The following ZC3H8 variants were observed in gnomAD, a reference collection of about 807,000 sequenced individuals.
ZC3H8 encodes the protein zinc finger CCCH-type containing 8.
A neutral mutation model predicts 42.5 loss-of-function variants in ZC3H8; 27 were observed. That is an observed-to-expected ratio of 0.64 (90% CI 0.47 to 0.88). The LOEUF is 0.88. Ranked by LOEUF, ZC3H8 falls within the 40% of genes least tolerant of loss-of-function variation. The pLI is 0.00. For missense variants in ZC3H8, 277 were observed against 336.1 expected (o/e 0.82, Z 1.37); for synonymous variants, 101 against 110.1 (o/e 0.92, Z 0.52).
chr2:112,236,488 T>C, intron 4 of ZC3H8, 74 bp downstream of exon 4: 2 of 1,565,672 alleles, frequency 1.3e-6, no homozygotes, highest in Non-Finnish European at 1.7e-6. Flanking sequence ...ATAGCACTTC[T>C]TGTCACTGAA....
At position 112,212,153 on chromosome 2, in the gene ZC3H8, C is replaced by T. The variant is rs753814931; in HGVS notation, c.*4331G>A. On this transcript the variant is annotated 3_prime_UTR_variant, in exon 9 of 9. Transcript: ENST00000409573. ...GCCTGCTTCCTGCTTTGTAGACAGC[C>T]ATTTTCTTGCCGTGTCCTCACATGG... is the stretch of plus-strand genomic sequence containing the variant. 2 of 152,304 alleles carry T rather than the reference C, an allele frequency of 1.3e-5. No homozygotes were observed. The highest frequency in any genetic ancestry group is 1.5e-5 in the Non-Finnish European group (1 of 68,144). The allele number at this position is 152,304 out of a possible 1,614,324, so 9.4% of individuals were successfully genotyped here. A position where few individuals can be genotyped will look rare whatever the true frequency, so the allele number is the denominator to read the frequency against.
intron 2 of ZC3H8, among the ~76,000 whole-genome samples, chr2:112,248,975 G>A (rs942552047): frequency 6.6e-6 from 1 of 151,962 alleles, no homozygotes; most frequent in East Asian, 1.9e-4. Context: ...CGGTCAGATC[G>A]CTTGACCCCA....
intron 2 of ZC3H8, among the ~76,000 whole-genome samples, chr2:112,245,839 C>T (rs562485288): frequency 2.0e-5 from 3 of 152,248 alleles, no homozygotes; most frequent in African/African-American, 7.2e-5. Context: ...AAGTCAATAC[C>T]TCACTTCAAA....
At chr2:112,223,653 T>TAACA (rs1684693285) in intron 8 of ZC3H8, among the ~76,000 whole-genome samples, 1 of 152,144 alleles carries the variant, frequency 6.6e-6, no homozygotes, top group East Asian at 1.9e-4. Context: ...GAAGAAATGC[T>TAACA]AACAATCAAT....
At chr2:112,225,347 A>T (rs1406005162) in intron 8 of ZC3H8, among the ~76,000 whole-genome samples, 1 of 152,242 alleles carries the variant, frequency 6.6e-6, no homozygotes, top group Non-Finnish European at 1.5e-5. Context: ...GTGTGGTAGC[A>T]CACACCTGCA....
chr2:112,248,823 T>C (rs144468173), intron 2 of ZC3H8, among the ~76,000 whole-genome samples: 3 of 152,190 alleles, frequency 2.0e-5, no homozygotes, highest in Admixed American at 6.5e-5. Flanking sequence ...TTTTTGGAAA[T>C]AGGGTCATTG....
chr2:112,236,496 G>A, intron 4 of ZC3H8, 66 bp downstream of exon 4: 1 of 1,573,170 alleles, frequency 6.4e-7, no homozygotes, highest in East Asian at 2.3e-5. Context: ...TCTTGTCACT[G>A]AAGTATAAGA....
At chr2:112,246,756 T>C (rs1053698487) in intron 2 of ZC3H8, among the ~76,000 whole-genome samples, 1 of 152,248 alleles carries the variant, frequency 6.6e-6, no homozygotes. Flanking sequence ...AGATTTAGAA[T>C]ATTATATAAA....
At chr2:112,221,093 T>C (rs1453766782) in intron 8 of ZC3H8, among the ~76,000 whole-genome samples, 1 of 152,186 alleles carries the variant, frequency 6.6e-6, no homozygotes, top group African/African-American at 2.4e-5. Context: ...GGGACGGAAA[T>C]GAGTCATAGA....
At chr2:112,249,253 T>C (rs1426645907) in intron 2 of ZC3H8, among the ~76,000 whole-genome samples, 1 of 152,014 alleles carries the variant, frequency 6.6e-6, no homozygotes, top group Non-Finnish European at 1.5e-5. Flanking sequence ...ACCATGTGAA[T>C]ATGAAGGCAG....
chr2:112,233,938 A>G (rs1192264178), intron 5 of ZC3H8, among the ~76,000 whole-genome samples, 182 bp downstream of exon 5: 1 of 152,196 alleles, frequency 6.6e-6, no homozygotes, highest in Non-Finnish European at 1.5e-5. Context: ...GGCCTCCCAA[A>G]CTGCTGGGAT....
chr2:112,240,362 G>A (rs1433373103), intron 2 of ZC3H8: 2 of 152,220 alleles, frequency 1.3e-5, no homozygotes, highest in Admixed American at 1.3e-4. Context: ...GATAGATTAT[G>A]TTTACCTTGG....
chr2:112,219,288 C>G (rs2104640845), intron 8 of ZC3H8, among the ~76,000 whole-genome samples: 1 of 152,198 alleles, frequency 6.6e-6, no homozygotes, highest in Middle Eastern at 3.4e-3. Flanking sequence ...ACCCTCACGT[C>G]TATGGTAAAT....
At chr2:112,254,534 G>C (rs1407969730) in intron 1 of ZC3H8, among the ~76,000 whole-genome samples, 1 of 152,252 alleles carries the variant, frequency 6.6e-6, no homozygotes, top group Non-Finnish European at 1.5e-5. Flanking sequence ...GGAGTTTACG[G>C]TCTCGTGGAA....
rs368903492 is a variant in ZC3H8, at chr2:112,234,153, A to C, written c.588T>G (p.Ile196Met). ...QHTVERKGKQICKYFLERKCI... is the reference protein window; with the variant it reads ...QHTVERKGKQMCKYFLERKCI... ...ATTTCCTTTCAAGAAAATATTTACAAATTTGTTTTCCCTTGCGTTCCACTG... is the reference window on the plus strand; with the variant it reads ...ATTTCCTTTCAAGAAAATATTTACACATTTGTTTTCCCTTGCGTTCCACTG... The change falls in exon 5 of 9, where the codon ATT becomes ATG. Residue 196 changes from isoleucine to methionine, a missense_variant. Coordinates refer to ENST00000409573, the MANE Select transcript of ZC3H8 (RefSeq NM_032494.3). 2 of 1,601,586 alleles carry C rather than the reference A, an allele frequency of 1.2e-6. No individual in the cohort carries two copies. Among genetic ancestry groups the C allele is most frequent in the African/African-American group, 2.7e-5 (2 of 74,594 alleles).
rs1684265864 is a variant in ZC3H8 at position 112,214,785 on chromosome 2, A to G, written c.*1699T>C. On this transcript the variant is annotated 3_prime_UTR_variant, in exon 9 of 9. Coordinates refer to ENST00000409573, the MANE Select transcript of ZC3H8 (RefSeq NM_032494.3). ...TGTGAGGTGCTGCCATAACCCAGGT[A>G]GGAGAGACCCACAGGCTAGCAGCTG... is the stretch of plus-strand genomic sequence containing the variant. 6.6e-6 allele frequency: 1 copy of G among 152,240 alleles called. No homozygotes were observed. The highest frequency in any genetic ancestry group is 2.4e-5 in the African/African-American group (1 of 41,450). The allele number at this position is 152,240 out of a possible 1,614,324, so 9.4% of individuals were successfully genotyped here.
intron 3 of ZC3H8, among the ~76,000 whole-genome samples, chr2:112,237,415 A>G (rs992451828): frequency 4.6e-5 from 7 of 152,296 alleles, no homozygotes; most frequent in Non-Finnish European, 5.9e-5. Flanking sequence ...AACATTTTAA[A>G]TAGATCAAGT....
chr2:112,250,854 T>A (rs991977156), intron 1 of ZC3H8, among the ~76,000 whole-genome samples: 3 of 152,076 alleles, frequency 2.0e-5, no homozygotes, highest in African/African-American at 4.8e-5. Flanking sequence ...CTTTTGAGAT[T>A]AGGAGCGAGA....
chr2:112,240,345 C>G (rs1573916370), intron 2 of ZC3H8: 1 of 152,182 alleles, frequency 6.6e-6, no homozygotes, highest in African/African-American at 2.4e-5. Context: ...GGTTGGCCGA[C>G]TCCTGTGATA....
Sources: allele counts gnomAD v4.1 joint callset (sites outside exome capture counted in the v4.1 genomes callset), GRCh38; gene constraint gnomAD v4.1.1; transcripts MANE v1.5; gene names NCBI Gene and HGNC (gene_info 2026-07-23, HGNC 2026-07-21).